SPATA6: variants seen among roughly 807,000 people sequenced by gnomAD.
The protein encoded by SPATA6 is spermatogenesis associated 6, also known as spermatogenesis-associated protein 6.
Under a neutral mutation model 65.3 loss-of-function variants are expected in SPATA6, and 56 were observed. The observed-to-expected ratio is 0.86, with a 90% CI of 0.69 to 1.07. SPATA6 has a LOEUF of 1.07. Ranked by LOEUF, SPATA6 falls within the 50% of genes least tolerant of loss-of-function variation. The probability of loss-of-function intolerance (pLI) is 0.00; values close to 1 mark genes in which losing one functional copy is unlikely to be tolerated. For synonymous variants in SPATA6, 199 were observed against 213.2 expected (o/e 0.93, Z 0.58); for missense variants, 590 against 594.8 (o/e 0.99, Z 0.08).
the SPATA6 span, among the ~76,000 whole-genome samples, chr1:48,277,251 T>G: frequency 6.6e-6 from 1 of 152,182 alleles, no homozygotes; most frequent in African/African-American, 2.4e-5. Flanking sequence ...GCGTGAGCGA[T>G]GCAGAAGATG....
intron 3 of SPATA6, among the ~76,000 whole-genome samples, chr1:48,428,829 G>GTA (rs1182398382): frequency 7.3e-6 from 1 of 136,542 alleles, no homozygotes; most frequent in South Asian, 2.4e-4. Flanking sequence ...ATATATGTGT[G>GTA]TATATATATG....
chr1:48,391,263 G>C (rs1650036711), intron 8 of SPATA6, among the ~76,000 whole-genome samples: 1 of 150,914 alleles, frequency 6.6e-6, no homozygotes, highest in Admixed American at 6.6e-5. Flanking sequence ...TGTAGTCCCA[G>C]CTACTAAGGA....
chr1:48,384,362 G>C (rs551961398), intron 9 of SPATA6, among the ~76,000 whole-genome samples: 290 of 4,304 alleles, frequency 0.067, 17 homozygotes, highest in African/African-American at 0.18. Flanking sequence ...GGGAGAGGGA[G>C]AGGGAGAGGG....
the SPATA6 span, among the ~76,000 whole-genome samples, chr1:48,267,414 G>A: frequency 6.6e-6 from 1 of 152,174 alleles, no homozygotes; most frequent in Admixed American, 6.5e-5. Flanking sequence ...TCATCTGAGT[G>A]TACTGGAAAA....
chr1:48,391,879 C>G (rs1199547057), intron 8 of SPATA6, among the ~76,000 whole-genome samples: 1 of 151,862 alleles, frequency 6.6e-6, no homozygotes, highest in Non-Finnish European at 1.5e-5. Flanking sequence ...TGGACATAAT[C>G]ATTTAGAAAC....
intron 9 of SPATA6, among the ~76,000 whole-genome samples, chr1:48,377,519 C>T (rs1408636824): frequency 6.6e-6 from 1 of 152,116 alleles, no homozygotes; most frequent in African/African-American, 2.4e-5. Context: ...TTTCCATTCT[C>T]CTCAACCAGG....
intron 11 of SPATA6, among the ~76,000 whole-genome samples, chr1:48,335,837 TA>T (rs1408773567): frequency 6.6e-6 from 1 of 151,942 alleles, no homozygotes; most frequent in African/African-American, 2.4e-5. Context: ...ATTAACAAAG[TA>T]AACAGACAAC....
At chr1:48,323,220 C>T (rs1645650662) in intron 11 of SPATA6, among the ~76,000 whole-genome samples, 1 of 152,206 alleles carries the variant, frequency 6.6e-6, no homozygotes, top group South Asian at 2.1e-4. Flanking sequence ...ACATATATAC[C>T]ATGGAATACT....
chr1:48,326,835 A>G (rs887234108), intron 11 of SPATA6, among the ~76,000 whole-genome samples: 3 of 152,136 alleles, frequency 2.0e-5, no homozygotes, highest in African/African-American at 7.2e-5. Flanking sequence ...ATCTCTCACC[A>G]TACACAGTAA....
Position 48,298,529 on chromosome 1 carries a change from T to C in SPATA6, c.*184A>G, listed in dbSNP as rs1569964022. The C allele has an allele frequency of 3.7e-6, 2 of 541,062 alleles. No homozygotes were observed. The highest frequency in any genetic ancestry group is 3.6e-5 in the South Asian group (1 of 27,530). The allele number at this position is 541,062 out of a possible 1,614,324, so 33.5% of individuals were successfully genotyped here. On this transcript the variant is annotated 3_prime_UTR_variant, in exon 13 of 13. Transcript: ENST00000371847. Reference sequence around the variant, plus strand: ...TGTAACACAGCAGACTCTTCTGTAATAATTATTTTAAAAGGCTTGCCTATG... The same window carrying C: ...TGTAACACAGCAGACTCTTCTGTAACAATTATTTTAAAAGGCTTGCCTATG...
the SPATA6 span, among the ~76,000 whole-genome samples, chr1:48,278,125 T>A: frequency 6.6e-6 from 1 of 152,282 alleles, no homozygotes; most frequent in Non-Finnish European, 1.5e-5. Flanking sequence ...GAGGGTCCTG[T>A]CTGTTAGAAG....
intron 12 of SPATA6, among the ~76,000 whole-genome samples, chr1:48,303,396 C>T (rs1644986435): frequency 6.6e-6 from 1 of 152,084 alleles, no homozygotes; most frequent in Non-Finnish European, 1.5e-5. Context: ...TATTTTTCTA[C>T]TCATTAACCA....
chr1:48,407,890 C>T (rs996712830), intron 5 of SPATA6, among the ~76,000 whole-genome samples: 1 of 152,128 alleles, frequency 6.6e-6, no homozygotes, highest in African/African-American at 2.4e-5. Flanking sequence ...GTTCCATACT[C>T]TTGAGTTTAT....
chr1:48,385,092 A>G (rs1649318709), intron 9 of SPATA6, among the ~76,000 whole-genome samples: 1 of 152,212 alleles, frequency 6.6e-6, no homozygotes, highest in African/African-American at 2.4e-5. Flanking sequence ...AATAATTAAT[A>G]CAAATGAATA....
intron 9 of SPATA6, among the ~76,000 whole-genome samples, chr1:48,380,214 A>G (rs1648400429): frequency 6.6e-6 from 1 of 152,264 alleles, no homozygotes; most frequent in South Asian, 2.1e-4. Context: ...TTTTCCATAT[A>G]GAAGTCCTAA....
At chr1:48,446,025 T>C (rs769478404) in intron 3 of SPATA6, among the ~76,000 whole-genome samples, 9 of 152,124 alleles carry the variant, frequency 5.9e-5, no homozygotes, top group Non-Finnish European at 1.2e-4. Context: ...AGGAAAAGTT[T>C]AATATAAAGA....
intron 3 of SPATA6, among the ~76,000 whole-genome samples, chr1:48,420,849 T>C (rs1653257895): frequency 6.6e-6 from 1 of 152,142 alleles, no homozygotes; most frequent in East Asian, 1.9e-4. Flanking sequence ...AGAATACTAT[T>C]GAGCCATGAA....
chr1:48,344,400 AAC>A (rs1451501927), intron 11 of SPATA6: 7 of 152,176 alleles, frequency 4.6e-5, no homozygotes, highest in Admixed American at 4.6e-4. Context: ...ATGGAAAGGA[AAC>A]ACAATTACCA....
Position 48,426,727 on chromosome 1 carries a change from TA to T in SPATA6, c.239-13577del, listed in dbSNP as rs564011554. On this transcript the variant is annotated intron_variant, in intron 3 of 12. Transcript: ENST00000371847. Reference sequence around the variant, plus strand: ...TTTTACCAAGTTCTTGTTTAAATAATAATAGGCAAAAGAAGAAAATTCCTAC... The same window carrying T: ...TTTTACCAAGTTCTTGTTTAAATAATATAGGCAAAAGAAGAAAATTCCTAC... Among the ~76,000 whole-genome samples, 435 of 152,084 alleles carry T rather than the reference TA, an allele frequency of 2.9e-3. 2 individuals carry two copies. The highest frequency in any genetic ancestry group is 1.0e-2 in the African/African-American group (414 of 41,510).
Sources: allele counts gnomAD v4.1 joint callset (sites outside exome capture counted in the v4.1 genomes callset), GRCh38; gene constraint gnomAD v4.1.1; transcripts MANE v1.5; gene names NCBI Gene and HGNC (gene_info 2026-07-23, HGNC 2026-07-21).